Variants in TEAD1 observed in about 807,000 individuals in gnomAD.
TEAD1 encodes transcriptional enhancer factor TEF-1.
TEAD1 carries 9 observed loss-of-function variants against 54.9 expected under a neutral mutation model. The ratio of observed to expected loss-of-function variants is 0.16; its 90% CI spans 0.10 to 0.29. The LOEUF is 0.29. Ranked by LOEUF, TEAD1 falls within the 10% of genes least tolerant of loss-of-function variation. The pLI is 1.00. For synonymous variants in TEAD1, 200 were observed against 187.8 expected, an observed-to-expected ratio of 1.07 and a Z score of -0.53; for missense variants, 387 against 535.9, an observed-to-expected ratio of 0.72 and a Z score of 2.74.
chr11:12,882,229 G>A lies in TEAD1; in HGVS notation c.574+272G>A, dbSNP rs75855925. 3.8e-3 allele frequency among the ~76,000 whole-genome samples: 574 copies of A among 152,270 alleles called. 2 individuals are homozygous for A. The highest frequency in any genetic ancestry group is 0.013 in the African/African-American group (549 of 41,552). On this transcript the variant is annotated intron_variant, in intron 8 of 12. Transcript: ENST00000527636. ...AGACGCTGGATTATCCTCAGAAGGCGAAGTTGCTGCAGCATCTTCCTCAAT... is the reference window on the plus strand; with the variant it reads ...AGACGCTGGATTATCCTCAGAAGGCAAAGTTGCTGCAGCATCTTCCTCAAT...
rs1351441458 is a variant in TEAD1 at position 12,811,111 on chromosome 11, C to A, written c.202+46677C>A. On this transcript the variant is annotated intron_variant, in intron 3 of 12. Coordinates refer to ENST00000527636, the MANE Select transcript of TEAD1 (RefSeq NM_021961.6). ...TGATATAAGCCTAAAACAGCTATGT[C>A]CACGGCGATTGATTGAGGGATGGTG... is the stretch of plus-strand genomic sequence containing the variant. Among the ~76,000 whole-genome samples the A allele has an allele frequency of 2.0e-5, 3 of 152,204 alleles. No homozygotes were observed. In the South Asian group the frequency reaches 6.2e-4, roughly 31 times the overall value.
chr11:12,695,671 C>T (rs774782198), intron 2 of TEAD1, among the ~76,000 whole-genome samples: 1 of 152,208 alleles, frequency 6.6e-6, no homozygotes, highest in African/African-American at 2.4e-5. Flanking sequence ...GTGAAATGGA[C>T]CCAGACTGAT....
intron 2 of TEAD1, among the ~76,000 whole-genome samples, chr11:12,729,557 T>C (rs1310158919): frequency 6.6e-6 from 1 of 152,182 alleles, no homozygotes; most frequent in African/African-American, 2.4e-5. Context: ...TTAAAACTTG[T>C]AATCATGGTG....
intron 3 of TEAD1, among the ~76,000 whole-genome samples, chr11:12,838,511 A>G (rs974989275): frequency 6.6e-6 from 1 of 152,246 alleles, no homozygotes; most frequent in Admixed American, 6.5e-5. Context: ...GACATGTTTC[A>G]TGTGTTTACT....
chr11:12,791,932 T>C (rs1945811116), intron 3 of TEAD1, among the ~76,000 whole-genome samples: 1 of 152,156 alleles, frequency 6.6e-6, no homozygotes, highest in African/African-American at 2.4e-5. Flanking sequence ...TAGTATATGA[T>C]TACAGAAACC....
intron 2 of TEAD1, among the ~76,000 whole-genome samples, chr11:12,702,761 T>C (rs759189257): frequency 6.6e-6 from 1 of 152,194 alleles, no homozygotes; most frequent in Non-Finnish European, 1.5e-5. Context: ...AATCTTCCAA[T>C]GCCATTGTGT....
intron 3 of TEAD1, among the ~76,000 whole-genome samples, chr11:12,778,685 G>C (rs1945481748): frequency 1.3e-5 from 2 of 152,008 alleles, no homozygotes; most frequent in Non-Finnish European, 2.9e-5. Context: ...TTGAATTAGT[G>C]AAAGTTGTTG....
At chr11:12,705,807 C>G (rs1943802139) in intron 2 of TEAD1, among the ~76,000 whole-genome samples, 1 of 152,086 alleles carries the variant, frequency 6.6e-6, no homozygotes, top group Admixed American at 6.6e-5. Context: ...GATAATAATT[C>G]TTAGTTCACA....
At chr11:12,858,907 C>G (rs2134062830) in intron 3 of TEAD1, among the ~76,000 whole-genome samples, 1 of 152,318 alleles carries the variant, frequency 6.6e-6, no homozygotes, top group South Asian at 2.1e-4. Context: ...CAACTACACA[C>G]CTAGGCTGCA....
rs1437294736 is a variant in TEAD1 at position 12,924,982 on chromosome 11, C to G, written c.944C>G (p.Ser315Cys). The change falls in exon 11 of 13, where the codon TCT becomes TGT. Residue 315 changes from serine to cysteine, a missense_variant. By Grantham distance (112) the Ser-to-Cys change is moderately radical. Coordinates refer to ENST00000527636, the MANE Select transcript of TEAD1 (RefSeq NM_021961.6). ...GGTGTAACCAGTCAGTACGAGAGTT[C>G]TGAAAATATGACAGTCACCTGTTCC... The G allele has an allele frequency of 1.9e-6, 3 of 1,614,124 alleles. No homozygotes were observed. Among genetic ancestry groups the G allele is most frequent in the Non-Finnish European group, 2.5e-6 (3 of 1,180,006 alleles).
chr11:12,799,997 A>G (rs1946016345), intron 3 of TEAD1, among the ~76,000 whole-genome samples: 1 of 152,202 alleles, frequency 6.6e-6, no homozygotes, highest in Non-Finnish European at 1.5e-5. Flanking sequence ...AAATTTTGCA[A>G]GGCTTTTCTT....
At chr11:12,837,746 T>G (rs1283341511) in intron 3 of TEAD1, among the ~76,000 whole-genome samples, 9 of 138,992 alleles carry the variant, frequency 6.5e-5, no homozygotes, top group African/African-American at 2.5e-4. Context: ...CTCCTTCTTC[T>G]TCCTCCTCTT....
chr11:12,758,649 C>T (rs1006500609), intron 2 of TEAD1, among the ~76,000 whole-genome samples: 5 of 151,968 alleles, frequency 3.3e-5, no homozygotes, highest in Admixed American at 2.0e-4. Context: ...CTCCTGACCT[C>T]GTGATCTGCC....
chr11:12,937,228 GTTAT>G lies in TEAD1; in HGVS notation c.*11_*14del. 6.3e-7 allele frequency: 1 copy of G among 1,585,986 alleles called. No individual in the cohort carries two copies. Among genetic ancestry groups the G allele is most frequent in the South Asian group, 1.1e-5 (1 of 90,406 alleles). On this transcript the variant is annotated 3_prime_UTR_variant, in exon 13 of 13. Transcript: ENST00000527636. The stretch of plus-strand genomic sequence containing the variant: ...ACAGGCTTGTAAAGGACTGAACATG[GTTAT>G]TTATATATATAGATATCTGTATATA...
chr11:12,775,465 C>A (rs746551284), intron 3 of TEAD1, among the ~76,000 whole-genome samples: 2 of 152,216 alleles, frequency 1.3e-5, no homozygotes, highest in African/African-American at 4.8e-5. Flanking sequence ...CACTCATCTG[C>A]TGCTGTGGCC....
chr11:12,869,180 A>G (rs1053161533), intron 5 of TEAD1, among the ~76,000 whole-genome samples: 4 of 152,180 alleles, frequency 2.6e-5, no homozygotes, highest in African/African-American at 9.7e-5. Flanking sequence ...GGGTTCATTC[A>G]AATTTACCCT....
chr11:12,800,159 G>T (rs1471694652), intron 3 of TEAD1, among the ~76,000 whole-genome samples: 29 of 152,180 alleles, frequency 1.9e-4, no homozygotes, highest in Admixed American at 1.9e-3. Flanking sequence ...GAGCCCATCT[G>T]TCGTGCCAGT....
chr11:12,769,821 C>A (rs796832181), intron 3 of TEAD1, among the ~76,000 whole-genome samples: 1 of 152,078 alleles, frequency 6.6e-6, no homozygotes, highest in African/African-American at 2.4e-5. Context: ...GGGACCCCAC[C>A]GATCACAGGA....
At chr11:12,704,395 G>A (rs1943768791) in intron 2 of TEAD1, among the ~76,000 whole-genome samples, 1 of 152,238 alleles carries the variant, frequency 6.6e-6, no homozygotes, top group African/African-American at 2.4e-5. Context: ...AGTCAACCAT[G>A]TTCTTCTGTC....
Sources: allele counts gnomAD v4.1 joint callset (sites outside exome capture counted in the v4.1 genomes callset), GRCh38; gene constraint gnomAD v4.1.1; transcripts MANE v1.5; gene names NCBI Gene and HGNC (gene_info 2026-07-23, HGNC 2026-07-21).